The following ZNF473 variants were observed in gnomAD, a reference collection of about 807,000 sequenced individuals.
ZNF473 encodes zinc finger protein 100 homolog.
In ZNF473, 4 loss-of-function variants were observed where a neutral mutation model predicts 11.1. That is an observed-to-expected ratio of 0.36 (90% CI 0.18 to 0.82). The LOEUF (loss-of-function observed/expected upper bound fraction) is 0.82. Among genes scored for constraint, ZNF473 ranks in the 40% least tolerant of loss-of-function variants. The pLI, the probability that ZNF473 is intolerant of heterozygous loss-of-function variation, is 0.49. For missense variants in ZNF473, 854 were observed against 1,084.0 expected, an observed-to-expected ratio of 0.79 and a Z score of 2.98; for synonymous variants, 404 against 390.4, an observed-to-expected ratio of 1.03 and a Z score of -0.41.
chr19:50,032,573 T>C (rs1432499775), intron 2 of ZNF473, among the ~76,000 whole-genome samples: 1 of 152,200 alleles, frequency 6.6e-6, no homozygotes, highest in African/African-American at 2.4e-5. Flanking sequence ...AAGTCTGGAC[T>C]AGGGAAACGG....
intron 4 of ZNF473, chr19:50,043,455 A>C (rs1388361561): frequency 9.4e-6 from 1 of 106,096 alleles, no homozygotes; most frequent in Admixed American, 8.9e-5. Flanking sequence ...AAAAATATAT[A>C]TATATATATA....
At chr19:50,031,160 C>G (rs2077315899) in intron 2 of ZNF473, 69 bp downstream of exon 2, 1 of 1,548,104 alleles carries the variant, frequency 6.5e-7, no homozygotes, top group African/African-American at 1.4e-5. Flanking sequence ...TCCTTTGTGG[C>G]CGAGGCGAGT....
chr19:50,035,605 CAGG>C (rs1490102800), intron 2 of ZNF473, among the ~76,000 whole-genome samples: 2 of 152,094 alleles, frequency 1.3e-5, no homozygotes, highest in African/African-American at 4.8e-5. Context: ...GTACCTAGCA[CAGG>C]GGCTGGCTCG....
At chr19:50,044,266 G>A (rs556037931) in intron 4 of ZNF473, among the ~76,000 whole-genome samples, 20 of 152,172 alleles carry the variant, frequency 1.3e-4, no homozygotes, top group Non-Finnish European at 2.1e-4. Context: ...TTGACTCCCA[G>A]GATTCTAGCA....
At position 50,045,972 on chromosome 19, in the gene ZNF473, C is replaced by T. The variant is rs1189627641; in HGVS notation, c.1529C>T (p.Thr510Ile). 1.9e-6 allele frequency: 3 copies of T among 1,614,084 alleles called. No homozygotes were observed. Among genetic ancestry groups the T allele is most frequent in the East Asian group, 4.5e-5 (2 of 44,892 alleles). ...NRLVQHQKMH[T>I]VKTPYECQEC... ...CTTGTGCAACACCAGAAAATGCACA[C>T]TGTCAAAACCCCATATGAATGTCAG... is the stretch of plus-strand genomic sequence containing the variant. Residue 510 changes from threonine to isoleucine, a missense_variant, in exon 5 of 5, where the codon ACT (threonine) becomes ATT (isoleucine). Around this residue, in one of 2 missense-constraint regions of ZNF473, gnomAD observed 668 missense variants for 790.2 expected, o/e 0.85. Transcript: ENST00000270617.
Position 50,045,235 on chromosome 19 carries a change from C to G in ZNF473, c.792C>G (p.Phe264Leu), listed in dbSNP as rs758796353. The change falls in exon 5 of 5, where the codon TTC (phenylalanine) becomes TTG (leucine). Residue 264 changes from phenylalanine (F) to leucine (L), a missense_variant. Physicochemically the swap from Phe to Leu is conservative, Grantham distance 22. Around this residue, in one of 2 missense-constraint regions of ZNF473, gnomAD observed 668 missense variants for 790.2 expected, o/e 0.85. Transcript: ENST00000270617. Reference protein sequence around the residue: ...VYPKTHTGYKFYVCNEYGTTF... With the variant: ...VYPKTHTGYKLYVCNEYGTTF... ...CGAAAACTCACACGGGCTACAAATT[C>G]TATGTGTGTAATGAATATGGGACAA... 7.5e-5 allele frequency: 121 copies of G among 1,614,082 alleles called. No homozygotes were observed. Among genetic ancestry groups the G allele is most frequent in the Non-Finnish European group, 9.3e-5 (110 of 1,180,050 alleles).
intron 1 of ZNF473, among the ~76,000 whole-genome samples, chr19:50,027,060 G>T (rs914418367): frequency 6.6e-6 from 1 of 152,130 alleles, no homozygotes; most frequent in African/African-American, 2.4e-5. Context: ...CCCCGCAGCA[G>T]CACTGAGACA....
intron 2 of ZNF473, among the ~76,000 whole-genome samples, chr19:50,033,908 C>T (rs1568834666): frequency 6.6e-6 from 1 of 152,186 alleles, no homozygotes; most frequent in Non-Finnish European, 1.5e-5. Context: ...CTAGGATAAT[C>T]TCCCCATTTC....
chr19:50,036,165 G>A (rs1195642825), intron 2 of ZNF473, among the ~76,000 whole-genome samples: 1 of 151,432 alleles, frequency 6.6e-6, no homozygotes, highest in African/African-American at 2.4e-5. Flanking sequence ...TTACCATGTT[G>A]CCCAGGCTCA....
intron 4 of ZNF473, among the ~76,000 whole-genome samples, chr19:50,043,708 T>C (rs1978914990): frequency 6.6e-6 from 1 of 152,096 alleles, no homozygotes. Flanking sequence ...TACCTTCTGG[T>C]AAGGGTCAGG....
At chr19:50,036,314 CTTTTTTT>C (rs35619461) in intron 2 of ZNF473, among the ~76,000 whole-genome samples, 2 of 108,796 alleles carry the variant, frequency 1.8e-5, no homozygotes, top group African/African-American at 8.0e-5. Flanking sequence ...GAGGTGGGGC[CTTTTTTT>C]TTTTTTTTTT....
At chr19:50,034,280 C>G (rs2077333655) in intron 2 of ZNF473, among the ~76,000 whole-genome samples, 1 of 152,224 alleles carries the variant, frequency 6.6e-6, no homozygotes, top group Non-Finnish European at 1.5e-5. Context: ...TTGCTGCCAC[C>G]ATTTCTCACC....
intron 2 of ZNF473, among the ~76,000 whole-genome samples, chr19:50,035,931 C>A (rs1459976995): frequency 1.3e-5 from 2 of 152,090 alleles, no homozygotes; most frequent in South Asian, 2.1e-4. Context: ...ACCTACTCAC[C>A]GTGTGCTGTG....
At position 50,039,528 on chromosome 19, in the gene ZNF473, C is replaced by A. The variant is rs1978658671; in HGVS notation, c.136+241C>A. Among the ~76,000 whole-genome samples, 1 of 152,254 alleles carries A rather than the reference C, an allele frequency of 6.6e-6. No individual in the cohort carries two copies. On this transcript the variant is annotated intron_variant, in intron 3 of 4. Transcript: ENST00000270617. The surrounding 1 kb of genome is among the most constrained non-coding windows in gnomAD (Gnocchi z 4.8). ...AGCTGGTGGAACCAAGGGAGGCTGC[C>A]ACACATCCTACAGTGCACAGCACAG...
In ZNF473 at chr19:50,039,126, AG is replaced by A; in HGVS notation, c.10-34del. On this transcript the variant is annotated intron_variant, in intron 2 of 4. Transcript: ENST00000270617. This position sits in a 1 kb window ranked among gnomAD's most constrained non-coding sequence, Gnocchi z 4.8. Reference sequence around the variant, plus strand: ...AGCTGTTGGGCTCCTCCCTGACCCCAGCCTCTGAGTGACCAATAGTGTACTG... The same window carrying A: ...AGCTGTTGGGCTCCTCCCTGACCCCACCTCTGAGTGACCAATAGTGTACTG... 2 of 1,612,074 alleles carry A rather than the reference AG, an allele frequency of 1.2e-6. No individual in the cohort carries two copies. Among genetic ancestry groups the A allele is most frequent in the Non-Finnish European group, 1.7e-6 (2 of 1,178,508 alleles).
At position 50,045,692 on chromosome 19, in the gene ZNF473, A is replaced by T; in HGVS notation, c.1249A>T (p.Thr417Ser). The T allele has an allele frequency of 6.2e-7, 1 of 1,614,122 alleles. No homozygotes were observed. Among genetic ancestry groups the T allele is most frequent in the Non-Finnish European group, 8.5e-7 (1 of 1,180,020 alleles). ...TGGGAAATCCTTCAGGCATAACTCT[A>T]CCCTAAAGATCCATCAGAGGGTTCA... is the stretch of plus-strand genomic sequence containing the variant. ...ERGKSFRHNS[T>S]LKIHQRVHSG... Residue 417 changes from threonine to serine, a missense_variant, in exon 5 of 5, where the codon ACC (threonine) becomes TCC (serine). Transcript: ENST00000270617.
intron 2 of ZNF473, among the ~76,000 whole-genome samples, chr19:50,037,098 A>G (rs1168892121): frequency 6.6e-6 from 1 of 152,192 alleles, no homozygotes; most frequent in Non-Finnish European, 1.5e-5. Flanking sequence ...GGGCTTTTGC[A>G]GTCAGATGCC....
At chr19:50,035,133 AATTTAAAAATTAGCC>A (rs1357352462) in intron 2 of ZNF473, among the ~76,000 whole-genome samples, 1 of 152,022 alleles carries the variant, frequency 6.6e-6, no homozygotes, top group African/African-American at 2.4e-5. Flanking sequence ...CTCTACAAAA[AATTTAAAAATTAGCC>A]AGGTGTGGTG....
intron 4 of ZNF473, chr19:50,042,460 T>C (rs1361206345): frequency 6.6e-6 from 1 of 152,266 alleles, no homozygotes; most frequent in Non-Finnish European, 1.5e-5. Flanking sequence ...GCAGCTCCCT[T>C]CTTGGCTCAC....
Sources: allele counts gnomAD v4.1 joint callset (sites outside exome capture counted in the v4.1 genomes callset), GRCh38; gene constraint gnomAD v4.1.1; regional missense constraint gnomAD v4.1.1; non-coding constraint Gnocchi (gnomAD v3.1); transcripts MANE v1.5; gene names NCBI Gene and HGNC (gene_info 2026-07-23, HGNC 2026-07-21).